EXOC4: variants seen among roughly 807,000 people sequenced by gnomAD.
EXOC4 encodes the protein SEC8-like 1.
Under a neutral mutation model 107.2 loss-of-function variants are expected in EXOC4, and 71 were observed. The observed-to-expected ratio is 0.66, with a 90% CI of 0.55 to 0.81. The LOEUF is 0.81. Ranked by LOEUF, EXOC4 falls within the 30% of genes least tolerant of loss-of-function variation. The probability of loss-of-function intolerance (pLI) is 0.00; values close to 1 mark genes in which losing one functional copy is unlikely to be tolerated. For missense variants in EXOC4, 1,108 were observed against 1,189.6 expected (o/e 0.93, Z 1.01); for synonymous variants, 456 against 441.2 (o/e 1.03, Z -0.42).
intron 14 of EXOC4, among the ~76,000 whole-genome samples, chr7:133,943,681 G>A (rs555657959): frequency 6.6e-6 from 1 of 152,094 alleles, no homozygotes; most frequent in Non-Finnish European, 1.5e-5. Flanking sequence ...CCACTATTGC[G>A]GGAACTTAAT....
chr7:133,728,341 A>G (rs1207670173), intron 10 of EXOC4, among the ~76,000 whole-genome samples: 4 of 152,146 alleles, frequency 2.6e-5, no homozygotes. Context: ...CTGTGACACT[A>G]TGTACTGGGG....
At chr7:133,317,705 G>T (rs1183579527) in intron 5 of EXOC4, among the ~76,000 whole-genome samples, 2 of 151,556 alleles carry the variant, frequency 1.3e-5, no homozygotes, top group Non-Finnish European at 2.9e-5. Flanking sequence ...TTTTTGAGAC[G>T]GAGTCTCGCT....
intron 17 of EXOC4, among the ~76,000 whole-genome samples, chr7:134,037,412 A>C (rs1200070824): frequency 6.6e-6 from 1 of 152,226 alleles, no homozygotes; most frequent in Non-Finnish European, 1.5e-5. Flanking sequence ...TGGGTGAAAT[A>C]TGTTATATGA....
chr7:133,480,437 G>A (rs753988503), intron 9 of EXOC4: 56 of 1,143,980 alleles, frequency 4.9e-5, no homozygotes, highest in Non-Finnish European at 5.7e-5. Context: ...CTAGGAGAAT[G>A]TTGGTCTTCT....
intron 7 of EXOC4, among the ~76,000 whole-genome samples, chr7:133,454,701 A>T (rs761252330): frequency 2.0e-4 from 31 of 152,324 alleles, no homozygotes; most frequent in Non-Finnish European, 3.8e-4. Flanking sequence ...CTAAGATGGC[A>T]ATATGTGATT....
chr7:133,493,194 G>T (rs1799408656), intron 9 of EXOC4, among the ~76,000 whole-genome samples: 1 of 152,204 alleles, frequency 6.6e-6, no homozygotes, highest in Non-Finnish European at 1.5e-5. Context: ...GGAGGCCGAG[G>T]TGGGTGGATC....
intron 9 of EXOC4, among the ~76,000 whole-genome samples, chr7:133,511,314 G>T (rs949120119): frequency 3.9e-5 from 6 of 152,128 alleles, no homozygotes; most frequent in East Asian, 1.9e-4. Flanking sequence ...GTTGAGAATT[G>T]ACTAGACAAA....
At chr7:133,258,832 C>G (rs189725570) in intron 1 of EXOC4, among the ~76,000 whole-genome samples, 3 of 152,140 alleles carry the variant, frequency 2.0e-5, no homozygotes, top group South Asian at 2.1e-4. Context: ...GCTGAAGAAG[C>G]TAGATTTAAA....
chr7:134,055,607 A>G (rs1283047413), intron 17 of EXOC4, among the ~76,000 whole-genome samples: 2 of 152,136 alleles, frequency 1.3e-5, no homozygotes, highest in Admixed American at 6.5e-5. Context: ...CAGAAAGCCC[A>G]TTACCCATTC....
At chr7:133,794,226 T>G (rs1437579664) in intron 10 of EXOC4, among the ~76,000 whole-genome samples, 2 of 152,214 alleles carry the variant, frequency 1.3e-5, no homozygotes, top group Non-Finnish European at 2.9e-5. Context: ...TATCCCTAGT[T>G]GGAGAAATAA....
intron 10 of EXOC4, among the ~76,000 whole-genome samples, chr7:133,795,281 T>C (rs1796791343): frequency 6.6e-6 from 1 of 152,190 alleles, no homozygotes; most frequent in South Asian, 2.1e-4. Context: ...TTCAGCACAC[T>C]AATGTCTCCT....
At chr7:134,081,502 G>A in the EXOC4 span, among the ~76,000 whole-genome samples, 1 of 152,120 alleles carries the variant, frequency 6.6e-6, no homozygotes, top group Non-Finnish European at 1.5e-5. Context: ...CCCAACTAAA[G>A]TATACACTCT....
intron 15 of EXOC4, among the ~76,000 whole-genome samples, chr7:134,002,258 A>G (rs1005260965): frequency 6.6e-6 from 1 of 152,208 alleles, no homozygotes; most frequent in Non-Finnish European, 1.5e-5. Context: ...AGCAGTAGTC[A>G]AGATACTTGG....
At chr7:133,378,608 T>C (rs1256113580) in intron 7 of EXOC4, among the ~76,000 whole-genome samples, 2 of 152,160 alleles carry the variant, frequency 1.3e-5, no homozygotes, top group Admixed American at 6.6e-5. Context: ...GAATTTCTTA[T>C]ATAATTCATG....
intron 7 of EXOC4, among the ~76,000 whole-genome samples, chr7:133,410,365 G>A (rs982932372): frequency 6.6e-6 from 1 of 152,184 alleles, no homozygotes; most frequent in African/African-American, 2.4e-5. Flanking sequence ...CGTTAATATT[G>A]AGGAATGTAT....
intron 11 of EXOC4, among the ~76,000 whole-genome samples, chr7:133,874,238 C>T (rs940348230): frequency 6.6e-6 from 1 of 152,148 alleles, no homozygotes; most frequent in Non-Finnish European, 1.5e-5. Context: ...GCCCAGGTCT[C>T]CTGTTGGCTA....
intron 5 of EXOC4, among the ~76,000 whole-genome samples, chr7:133,320,201 A>G (rs956287766): frequency 1.6e-4 from 25 of 152,306 alleles, no homozygotes; most frequent in African/African-American, 6.0e-4. Flanking sequence ...CTACTCACAC[A>G]AACTTAGTGG....
chr7:133,358,895 T>C (rs1796081140), intron 6 of EXOC4, among the ~76,000 whole-genome samples: 2 of 152,278 alleles, frequency 1.3e-5, no homozygotes, highest in South Asian at 4.1e-4. Flanking sequence ...AATGTTTCTC[T>C]ATGAGGAATG....
At chr7:133,543,744 G>A (rs551154443) in intron 9 of EXOC4, among the ~76,000 whole-genome samples, 1 of 151,996 alleles carries the variant, frequency 6.6e-6, no homozygotes, top group African/African-American at 2.4e-5. Context: ...CTCTATAGCC[G>A]TCAAATTCTT....
Sources: allele counts gnomAD v4.1 joint callset (sites outside exome capture counted in the v4.1 genomes callset), GRCh38; gene constraint gnomAD v4.1.1; transcripts MANE v1.5; gene names NCBI Gene and HGNC (gene_info 2026-07-23, HGNC 2026-07-21).